The following KCNQ3 variants were observed in gnomAD, a reference collection of about 807,000 sequenced individuals.
KCNQ3 encodes potassium voltage-gated channel subfamily Q member 3.
A neutral mutation model predicts 92.5 loss-of-function variants in KCNQ3; 30 were observed. The ratio of observed to expected loss-of-function variants is 0.32; its 90% CI spans 0.24 to 0.44. The LOEUF (loss-of-function observed/expected upper bound fraction) is 0.44. Among genes scored for constraint, KCNQ3 ranks in the 20% least tolerant of loss-of-function variants. KCNQ3 has a pLI of 1.00. For missense variants in KCNQ3, 913 were observed against 1,140.3 expected (o/e 0.80, Z 2.87); for synonymous variants, 450 against 468.8 (o/e 0.96, Z 0.52).
At chr8:132,326,704 A>G (rs979181787) in intron 1 of KCNQ3, among the ~76,000 whole-genome samples, 2 of 152,230 alleles carry the variant, frequency 1.3e-5, no homozygotes, top group African/African-American at 4.8e-5. Flanking sequence ...CCATCTTGAA[A>G]GAAGAGCTAA....
Position 132,325,270 on chromosome 8 carries a change from GAGAGAGAAGTGTGTTGGGGGTCA to G in KCNQ3, c.387-139112_387-139090del, listed in dbSNP as rs1818010717. 2.6e-5 allele frequency among the ~76,000 whole-genome samples: 4 copies of G among 152,148 alleles called. No individual in the cohort carries two copies. In the South Asian group the frequency reaches 8.3e-4, roughly 32 times the overall value. On this transcript the variant is annotated intron_variant, in intron 1 of 14. Transcript: ENST00000388996. Reference sequence around the variant, plus strand: ...AAAATGTTGGACTCACGGGATGCAGGAGAGAGAAGTGTGTTGGGGGTCAAGAGAGCTGGGTTCCGTCCAGGGTC... The same window carrying G: ...AAAATGTTGGACTCACGGGATGCAGGAGAGAGCTGGGTTCCGTCCAGGGTC...
chr8:132,415,733 CA>C (rs370381203), intron 1 of KCNQ3, among the ~76,000 whole-genome samples: 21 of 144,214 alleles, frequency 1.5e-4, no homozygotes, highest in East Asian at 1.4e-3. Flanking sequence ...CTCAACGGGA[CA>C]AAAAAAAAAG....
chr8:132,213,024 C>A (rs959704741), intron 1 of KCNQ3, among the ~76,000 whole-genome samples: 1 of 152,156 alleles, frequency 6.6e-6, no homozygotes, highest in Non-Finnish European at 1.5e-5. Flanking sequence ...ACACTGTTGA[C>A]TTTTCAAAGT....
chr8:132,334,174 T>C (rs568588310), intron 1 of KCNQ3, among the ~76,000 whole-genome samples: 1 of 152,220 alleles, frequency 6.6e-6, no homozygotes, highest in Non-Finnish European at 1.5e-5. Flanking sequence ...CCAATTTTCT[T>C]ACTATCAGAA....
intron 1 of KCNQ3, among the ~76,000 whole-genome samples, chr8:132,477,144 C>T (rs754153770): frequency 5.3e-5 from 8 of 152,128 alleles, no homozygotes; most frequent in Non-Finnish European, 8.8e-5. Context: ...CCGCCAGCCA[C>T]GCAGAACTGT....
chr8:132,426,571 T>A (rs539037053), intron 1 of KCNQ3, among the ~76,000 whole-genome samples: 1 of 152,322 alleles, frequency 6.6e-6, no homozygotes, highest in Non-Finnish European at 1.5e-5. Flanking sequence ...CCGTCCAGTG[T>A]CAGGTGTCAT....
chr8:132,223,919 C>G (rs1241816383), intron 1 of KCNQ3, among the ~76,000 whole-genome samples: 1 of 151,528 alleles, frequency 6.6e-6, no homozygotes, highest in African/African-American at 2.4e-5. Context: ...ATCTAACCAC[C>G]AGGATCATAT....
In KCNQ3 at chr8:132,462,623, G is replaced by C. The variant is rs146700650; in HGVS notation, c.386+17524C>G. Among the ~76,000 whole-genome samples the C allele has an allele frequency of 2.8e-3, 430 of 152,318 alleles. 5 individuals are homozygous for C. Among genetic ancestry groups the C allele is most frequent in the African/African-American group, 9.7e-3 (403 of 41,552 alleles). ...AACTTTTGACCGCATCACAGCTACT[G>C]CATTCAGAATATCTGAAGCCAATCC... is the stretch of plus-strand genomic sequence containing the variant. On this transcript the variant is annotated intron_variant, in intron 1 of 14. Transcript: ENST00000388996.
chr8:132,214,397 T>C (rs62519649), intron 1 of KCNQ3, among the ~76,000 whole-genome samples: 1 of 152,228 alleles, frequency 6.6e-6, no homozygotes, highest in Non-Finnish European at 1.5e-5. Flanking sequence ...CCTTCTTTCC[T>C]TCCGTTAGGA....
chr8:132,451,672 A>G (rs1170787202), intron 1 of KCNQ3, among the ~76,000 whole-genome samples: 1 of 152,182 alleles, frequency 6.6e-6, no homozygotes, highest in Non-Finnish European at 1.5e-5. Flanking sequence ...TTCACACAGG[A>G]CTCCAACGCT....
At chr8:132,400,345 C>A (rs1183664504) in intron 1 of KCNQ3, among the ~76,000 whole-genome samples, 5 of 152,182 alleles carry the variant, frequency 3.3e-5, no homozygotes, top group Non-Finnish European at 7.3e-5. Flanking sequence ...TTGAGTGGAA[C>A]CCCAGGGCCG....
At position 132,382,221 on chromosome 8, in the gene KCNQ3, G is replaced by T. The variant is rs145235642; in HGVS notation, c.386+97926C>A. Among the ~76,000 whole-genome samples, 9 of 152,296 alleles carry T rather than the reference G, an allele frequency of 5.9e-5. No homozygotes were observed. In the East Asian group the frequency reaches 1.7e-3, roughly 29 times the overall value. On this transcript the variant is annotated intron_variant, in intron 1 of 14. Coordinates refer to ENST00000388996, the MANE Select transcript of KCNQ3 (RefSeq NM_004519.4). ...AATCTTATGTTGAAATGTGATCCCC[G>T]GTGTTGGAAGTGGGGTCTGGTAGAA...
At position 132,302,844 on chromosome 8, in the gene KCNQ3, T is replaced by C. The variant is rs1817264375; in HGVS notation, c.387-116663A>G. Among the ~76,000 whole-genome samples the C allele has an allele frequency of 2.0e-5, 3 of 152,206 alleles. No individual in the cohort carries two copies. In the East Asian group the frequency reaches 5.8e-4, roughly 29 times the overall value. On this transcript the variant is annotated intron_variant, in intron 1 of 14. Coordinates refer to ENST00000388996, the MANE Select transcript of KCNQ3 (RefSeq NM_004519.4). ...GCATGGTGGTCCTTTGGCCCACAGG[T>C]GATTTGGATGTCTAGAGATGTATGT...
intron 1 of KCNQ3, among the ~76,000 whole-genome samples, chr8:132,203,827 G>GATT (rs1827535700): frequency 6.6e-6 from 1 of 152,148 alleles, no homozygotes; most frequent in Non-Finnish European, 1.5e-5. Flanking sequence ...AGATTTCAGG[G>GATT]ATTATTATTA....
intron 1 of KCNQ3, among the ~76,000 whole-genome samples, chr8:132,302,276 A>G (rs1270098385): frequency 2.0e-5 from 3 of 152,210 alleles, no homozygotes; most frequent in African/African-American, 7.2e-5. Flanking sequence ...GTAGTTTAAG[A>G]CACTAGATAT....
At chr8:132,287,320 A>G (rs1816705785) in intron 1 of KCNQ3, among the ~76,000 whole-genome samples, 1 of 152,238 alleles carries the variant, frequency 6.6e-6, no homozygotes. Context: ...AACCAGAGAG[A>G]GTGGTTAAAA....
At chr8:132,280,781 C>A (rs542397139) in intron 1 of KCNQ3, among the ~76,000 whole-genome samples, 1 of 152,120 alleles carries the variant, frequency 6.6e-6, no homozygotes, top group Non-Finnish European at 1.5e-5. Context: ...ATGAGTTAAT[C>A]ATGTTCAAGG....
intron 1 of KCNQ3, among the ~76,000 whole-genome samples, chr8:132,267,697 G>A (rs188859277): frequency 3.3e-5 from 5 of 152,268 alleles, no homozygotes; most frequent in African/African-American, 7.2e-5. Context: ...GCTGAAAGGC[G>A]GATTCCCAGG....
At chr8:132,282,297 T>C (rs1816545180) in intron 1 of KCNQ3, among the ~76,000 whole-genome samples, 2 of 152,198 alleles carry the variant, frequency 1.3e-5, no homozygotes, top group Admixed American at 6.5e-5. Context: ...TATTCTCAAG[T>C]AGGTTAAAAA....
Sources: allele counts gnomAD v4.1 joint callset (sites outside exome capture counted in the v4.1 genomes callset), GRCh38; gene constraint gnomAD v4.1.1; transcripts MANE v1.5; gene names NCBI Gene and HGNC (gene_info 2026-07-23, HGNC 2026-07-21).